Variants in FBXL17 observed in about 807,000 individuals in gnomAD.
FBXL17 encodes the protein F-box/LRR-repeat protein 17.
FBXL17 carries 22 observed loss-of-function variants against 66.2 expected under a neutral mutation model. The observed-to-expected ratio is 0.33, with a 90% CI of 0.24 to 0.47. The LOEUF is 0.47. Among genes scored for constraint, FBXL17 ranks in the 20% least tolerant of loss-of-function variants. The probability of loss-of-function intolerance (pLI) is 1.00; values close to 1 mark genes in which losing one functional copy is unlikely to be tolerated. For missense variants in FBXL17, 878 were observed against 948.2 expected, an observed-to-expected ratio of 0.93 and a Z score of 0.97; for synonymous variants, 474 against 400.5, an observed-to-expected ratio of 1.18 and a Z score of -2.19.
chr5:108,247,425 C>T (rs1756152681), intron 4 of FBXL17, among the ~76,000 whole-genome samples: 1 of 152,078 alleles, frequency 6.6e-6, no homozygotes, highest in African/African-American at 2.4e-5. Flanking sequence ...TTGCCCTAGA[C>T]AGCACTATTA....
At chr5:108,027,870 T>C (rs1227488503) in intron 6 of FBXL17, among the ~76,000 whole-genome samples, 2 of 152,148 alleles carry the variant, frequency 1.3e-5, no homozygotes, top group African/African-American at 4.8e-5. Context: ...AGTTAGTTAC[T>C]TTGAATAAGG....
chr5:108,160,703 C>G (rs1295948640), intron 6 of FBXL17, among the ~76,000 whole-genome samples: 4 of 152,062 alleles, frequency 2.6e-5, no homozygotes, highest in Non-Finnish European at 5.9e-5. Flanking sequence ...GTGAATTCAG[C>G]TATTATTTAA....
chr5:108,299,948 T>A (rs1260784377), intron 4 of FBXL17: 5 of 395,864 alleles, frequency 1.3e-5, no homozygotes, highest in African/African-American at 1.1e-4. Flanking sequence ...TACATTTAAA[T>A]GCTTCAGAAA....
At chr5:108,380,066 C>A (rs188101361) in intron 1 of FBXL17, among the ~76,000 whole-genome samples, 30 of 152,298 alleles carry the variant, frequency 2.0e-4, no homozygotes, top group African/African-American at 7.2e-4. Context: ...CCACTTCAAG[C>A]CCCACTAGAC....
chr5:107,931,559 T>C (rs927678300), intron 7 of FBXL17, among the ~76,000 whole-genome samples: 1 of 151,978 alleles, frequency 6.6e-6, no homozygotes, highest in Non-Finnish European at 1.5e-5. Flanking sequence ...GCTGAGAATT[T>C]TTTTTTTAAT....
chr5:108,324,713 C>CA (rs1759770736), intron 4 of FBXL17, among the ~76,000 whole-genome samples: 1 of 146,054 alleles, frequency 6.8e-6, no homozygotes, highest in South Asian at 2.2e-4. Flanking sequence ...AATGGATAAA[C>CA]AAAAGGTGGT....
chr5:108,170,418 G>C (rs1448132347), intron 6 of FBXL17, among the ~76,000 whole-genome samples: 3 of 152,054 alleles, frequency 2.0e-5, no homozygotes, highest in African/African-American at 7.3e-5. Context: ...CTGTCACTAA[G>C]GTATTAGTTA....
chr5:108,163,549 C>T (rs535203632), intron 6 of FBXL17, among the ~76,000 whole-genome samples: 582 of 152,120 alleles, frequency 3.8e-3, no homozygotes, highest in Non-Finnish European at 6.6e-3. Flanking sequence ...TACAGGCGTC[C>T]GCCACTACGT....
chr5:108,145,952 C>T (rs1486027088), intron 6 of FBXL17, among the ~76,000 whole-genome samples: 1 of 152,018 alleles, frequency 6.6e-6, no homozygotes, highest in African/African-American at 2.4e-5. Context: ...GGTGCAGTGG[C>T]TCACGCCTTT....
chr5:108,377,283 C>T (rs1749506812), intron 1 of FBXL17, among the ~76,000 whole-genome samples: 1 of 152,184 alleles, frequency 6.6e-6, no homozygotes, highest in Non-Finnish European at 1.5e-5. Flanking sequence ...AAGAGGTTAT[C>T]CCTTTATGGT....
intron 7 of FBXL17, among the ~76,000 whole-genome samples, chr5:107,980,490 C>T (rs1219592169): frequency 2.0e-5 from 3 of 149,598 alleles, no homozygotes; most frequent in Non-Finnish European, 3.0e-5. Context: ...CTCATGCCAC[C>T]ATGCCCAGCT....
intron 6 of FBXL17, among the ~76,000 whole-genome samples, chr5:108,165,917 C>G (rs530158799): frequency 1.3e-5 from 2 of 152,250 alleles, no homozygotes; most frequent in East Asian, 3.9e-4. Flanking sequence ...AGAAAATCCA[C>G]AAACACACTT....
intron 4 of FBXL17, among the ~76,000 whole-genome samples, chr5:108,342,465 C>T (rs534051866): frequency 1.1e-4 from 17 of 152,256 alleles, no homozygotes; most frequent in Middle Eastern, 3.4e-3. Context: ...TGATTTTCTA[C>T]TCATGCTAAT....
At chr5:108,252,432 G>T (rs1224586834) in intron 4 of FBXL17, among the ~76,000 whole-genome samples, 1 of 151,746 alleles carries the variant, frequency 6.6e-6, no homozygotes, top group Non-Finnish European at 1.5e-5. Flanking sequence ...TCTTTGTTAA[G>T]ACAAAATGCT....
At chr5:108,010,880 A>G (rs535220113) in intron 7 of FBXL17, among the ~76,000 whole-genome samples, 1 of 152,308 alleles carries the variant, frequency 6.6e-6, no homozygotes, top group Admixed American at 6.5e-5. Context: ...AAAACTGGAA[A>G]ATAAAGGAAA....
At chr5:108,299,784 A>G in intron 4 of FBXL17, 1 of 985,102 alleles carries the variant, frequency 1.0e-6, no homozygotes, top group Non-Finnish European at 1.2e-6. Flanking sequence ...GGAAGGCTCC[A>G]GAAGGAACTA....
At chr5:108,177,792 G>C (rs991190505) in intron 6 of FBXL17, among the ~76,000 whole-genome samples, 6 of 151,446 alleles carry the variant, frequency 4.0e-5, no homozygotes, top group African/African-American at 1.2e-4. Context: ...CCTTCCTCAG[G>C]GTTGTTGTAG....
intron 4 of FBXL17, among the ~76,000 whole-genome samples, chr5:108,237,053 AGGTTACT>A (rs1554078343): frequency 6.6e-6 from 1 of 152,204 alleles, no homozygotes; most frequent in Non-Finnish European, 1.5e-5. Context: ...GCATTGGGAC[AGGTTACT>A]GGTTTAGGGA....
intron 1 of FBXL17, among the ~76,000 whole-genome samples, chr5:108,373,318 A>T (rs920996961): frequency 3.9e-5 from 5 of 127,634 alleles, no homozygotes; most frequent in South Asian, 2.2e-4. Context: ...AAATATATTA[A>T]ATTTTTATTA....
Sources: allele counts gnomAD v4.1 joint callset (sites outside exome capture counted in the v4.1 genomes callset), GRCh38; gene constraint gnomAD v4.1.1; transcripts MANE v1.5; gene names NCBI Gene and HGNC (gene_info 2026-07-23, HGNC 2026-07-21).